The following TMPRSS11E variants were observed in gnomAD, a reference collection of about 807,000 sequenced individuals.
TMPRSS11E encodes transmembrane serine protease 11E.
Under a neutral mutation model 48.1 loss-of-function variants are expected in TMPRSS11E, and 38 were observed. The ratio of observed to expected loss-of-function variants is 0.79; its 90% CI spans 0.61 to 1.04. The LOEUF (loss-of-function observed/expected upper bound fraction) is 1.04, where lower values mean the gene tolerates loss of function less well. TMPRSS11E is among the 50% of genes least tolerant of loss of function. The pLI, the probability that TMPRSS11E is intolerant of heterozygous loss-of-function variation, is 0.00. For synonymous variants in TMPRSS11E, 158 were observed against 171.9 expected (o/e 0.92, Z 0.63); for missense variants, 530 against 510.8 (o/e 1.04, Z -0.36).
chr4:68,457,370 T>C (rs148858440), intron 1 of TMPRSS11E, among the ~76,000 whole-genome samples: 3,162 of 152,244 alleles, frequency 0.021, 90 homozygotes, highest in African/African-American at 0.058. Context: ...CCAGTTAGAA[T>C]GGCGATCATT....
In TMPRSS11E at chr4:68,496,733, C is replaced by T. The variant is rs1578149233; in HGVS notation, c.1201C>T (p.Pro401Ser). The T allele has an allele frequency of 6.2e-7, 1 of 1,613,496 alleles. No homozygotes were observed. Among genetic ancestry groups the T allele is most frequent in the Non-Finnish European group, 8.5e-7 (1 of 1,179,628 alleles). ...GAGCTGGGGAGATGAATGTGCGAAA[C>T]CCAACAAGCCTGGTGTTTATACTAG... ...IVSWGDECAK[P>S]NKPGVYTRVT... The change falls in exon 10 of 10, where the codon CCC becomes TCC. Residue 401 changes from proline (P) to serine (S), a missense_variant. Coordinates refer to ENST00000305363, the MANE Select transcript of TMPRSS11E (RefSeq NM_014058.4).
At chr4:68,474,662 A>G (rs1729159869) in intron 5 of TMPRSS11E, 61 bp from the exon 6 acceptor site, 4 of 1,483,448 alleles carry the variant, frequency 2.7e-6, no homozygotes, top group Non-Finnish European at 3.7e-6. Flanking sequence ...TATTTGAAAT[A>G]CTCGGAGGCA....
In TMPRSS11E at chr4:68,477,569, A is replaced by G. The variant is rs976002; in HGVS notation, c.908A>G (p.Tyr303Cys). The G allele has an allele frequency of 0.23, 376,065 of 1,613,822 alleles. 45,242 individuals carry two copies. Among genetic ancestry groups the G allele is most frequent in the Admixed American group, 0.32 (19,440 of 59,988 alleles). ...AGAGTTTGTCTCCCTGATGCATCCT[A>G]TGAGTTTCAACCAGGTGATGTGATG... is the stretch of plus-strand genomic sequence containing the variant. ...VHRVCLPDAS[Y>C]EFQPGDVMFV... Residue 303 changes from tyrosine (Y) to cysteine (C), a missense_variant, in exon 8 of 10, where the codon TAT (tyrosine) becomes TGT (cysteine). Physicochemically the swap from Tyr to Cys is radical, Grantham distance 194. Transcript: ENST00000305363.
rs555940471 is a variant in TMPRSS11E at position 68,455,629 on chromosome 4, A to G, written c.12-6192A>G. ...TTCTGAAAGTCTCAAGCTATATATT[A>G]GCAGCCACAAGAGTGTCTCTAGCTC... On this transcript the variant is annotated intron_variant, in intron 1 of 9. Coordinates refer to ENST00000305363, the MANE Select transcript of TMPRSS11E (RefSeq NM_014058.4). Among the ~76,000 whole-genome samples, 3 of 152,110 alleles carry G rather than the reference A, an allele frequency of 2.0e-5. No individual in the cohort carries two copies. In the East Asian group the frequency reaches 5.8e-4, roughly 29 times the overall value.
chr4:68,461,710 T>C, intron 1 of TMPRSS11E, 111 bp from the exon 2 acceptor site: 2 of 1,538,540 alleles, frequency 1.3e-6, no homozygotes, highest in Non-Finnish European at 1.8e-6. Flanking sequence ...ACCCAGACAG[T>C]ACACGACCCT....
intron 1 of TMPRSS11E, among the ~76,000 whole-genome samples, chr4:68,454,532 G>T (rs939548424): frequency 2.0e-5 from 3 of 151,818 alleles, no homozygotes; most frequent in African/African-American, 7.3e-5. Context: ...ATATATTTCA[G>T]GTCGATAACT....
intron 9 of TMPRSS11E, among the ~76,000 whole-genome samples, chr4:68,485,118 C>T (rs1179827723): frequency 1.3e-5 from 2 of 151,934 alleles, no homozygotes; most frequent in Non-Finnish European, 2.9e-5. Context: ...GAAGTATGTT[C>T]CTCTGATGCC....
intron 4 of TMPRSS11E, among the ~76,000 whole-genome samples, chr4:68,470,222 G>T (rs1371914537): frequency 6.6e-6 from 1 of 151,684 alleles, no homozygotes; most frequent in Non-Finnish European, 1.5e-5. Flanking sequence ...AATAATAAAA[G>T]GGAATGAAAA....
Position 68,486,263 on chromosome 4 carries a change from C to T in TMPRSS11E, c.1110+7272C>T, listed in dbSNP as rs544303904. Among the ~76,000 whole-genome samples the T allele has an allele frequency of 6.6e-5, 10 of 152,200 alleles. No individual in the cohort carries two copies. In the South Asian group the frequency reaches 1.0e-3, roughly 16 times the overall value. On this transcript the variant is annotated intron_variant, in intron 9 of 9. Coordinates refer to ENST00000305363, the MANE Select transcript of TMPRSS11E (RefSeq NM_014058.4). ...TTAATTTAAGATATTTATATCTTTT[C>T]GATGTTGGCATTTTGCCCCATAAAC... is the stretch of plus-strand genomic sequence containing the variant.
intron 1 of TMPRSS11E, among the ~76,000 whole-genome samples, chr4:68,454,248 A>G (rs1341976281): frequency 1.3e-5 from 2 of 151,938 alleles, no homozygotes; most frequent in Admixed American, 1.3e-4. Flanking sequence ...CTGCAGTTAT[A>G]GATTTGGTAG....
At chr4:68,465,383 G>A (rs1728900388) in intron 2 of TMPRSS11E, among the ~76,000 whole-genome samples, 1 of 152,128 alleles carries the variant, frequency 6.6e-6, no homozygotes, top group South Asian at 2.1e-4. Flanking sequence ...AAATACACCA[G>A]TAGTTTTTTG....
chr4:68,479,131 C>A, intron 9 of TMPRSS11E, 140 bp downstream of exon 9: 1 of 953,692 alleles, frequency 1.0e-6, no homozygotes, highest in South Asian at 1.7e-5. Context: ...GATTACATCT[C>A]ACATAACTAT....
chr4:68,483,660 G>A (rs1245322337), intron 9 of TMPRSS11E, among the ~76,000 whole-genome samples: 1 of 152,084 alleles, frequency 6.6e-6, no homozygotes, highest in Non-Finnish European at 1.5e-5. Flanking sequence ...GTCAATTTTT[G>A]TTTTAGTTGC....
chr4:68,452,925 C>T (rs1301904817), intron 1 of TMPRSS11E, among the ~76,000 whole-genome samples: 1 of 151,908 alleles, frequency 6.6e-6, no homozygotes, highest in African/African-American at 2.4e-5. Context: ...TGACTCAAAT[C>T]TCTGAATTGG....
At chr4:68,484,175 T>A (rs13114070) in intron 9 of TMPRSS11E, among the ~76,000 whole-genome samples, 1 of 151,992 alleles carries the variant, frequency 6.6e-6, no homozygotes, top group East Asian at 1.9e-4. Flanking sequence ...CTGTGAAAAA[T>A]GACATTGGTA....
chr4:68,463,003 T>A (rs138651883), intron 2 of TMPRSS11E, among the ~76,000 whole-genome samples: 13,852 of 152,190 alleles, frequency 0.091, 745 homozygotes, highest in African/African-American at 0.13. Context: ...TATCTTCCTC[T>A]GTTACTAGAT....
intron 9 of TMPRSS11E, among the ~76,000 whole-genome samples, chr4:68,489,980 A>C (rs933882556): frequency 1.3e-5 from 2 of 151,726 alleles, no homozygotes; most frequent in African/African-American, 4.8e-5. Context: ...GTCTCTTTCA[A>C]CTCTCCAGGC....
At chr4:68,474,689 T>C in intron 5 of TMPRSS11E, 34 bp from the exon 6 acceptor site, 1 of 1,603,202 alleles carries the variant, frequency 6.2e-7, no homozygotes, top group South Asian at 1.1e-5. Flanking sequence ...AACTCTGATG[T>C]GCTGACCCTA....
intron 9 of TMPRSS11E, among the ~76,000 whole-genome samples, chr4:68,485,933 G>A (rs946318753): frequency 1.3e-5 from 2 of 152,060 alleles, no homozygotes; most frequent in Non-Finnish European, 2.9e-5. Flanking sequence ...TAGTTTGTGT[G>A]CACAGAGGTG....
Sources: allele counts gnomAD v4.1 joint callset (sites outside exome capture counted in the v4.1 genomes callset), GRCh38; gene constraint gnomAD v4.1.1; transcripts MANE v1.5; gene names NCBI Gene and HGNC (gene_info 2026-07-23, HGNC 2026-07-21).